Variants in ZNF76 observed in about 807,000 individuals in gnomAD.
The protein encoded by ZNF76 is zinc finger protein 523.
A neutral mutation model predicts 66.9 loss-of-function variants in ZNF76; 66 were observed. The ratio of observed to expected loss-of-function variants is 0.99; its 90% CI spans 0.81 to 1.21. ZNF76 has a LOEUF of 1.21. Among genes scored for constraint, ZNF76 ranks in the 50% most tolerant of loss-of-function variants. The probability of loss-of-function intolerance (pLI) is 0.00; values close to 1 mark genes in which losing one functional copy is unlikely to be tolerated. For synonymous variants in ZNF76, 275 were observed against 296.1 expected, an observed-to-expected ratio of 0.93 and a Z score of 0.73; for missense variants, 729 against 760.3, an observed-to-expected ratio of 0.96 and a Z score of 0.48.
In ZNF76 at chr6:35,295,548, T is replaced by G; in HGVS notation, c.*300T>G. On this transcript the variant is annotated 3_prime_UTR_variant, in exon 14 of 14. Transcript: ENST00000373953. ...CCACTCTCCTCCTAAAGAACACCCTTCTGGCCCTCAGTCTGTTCCCCTTCT... is the reference window on the plus strand; with the variant it reads ...CCACTCTCCTCCTAAAGAACACCCTGCTGGCCCTCAGTCTGTTCCCCTTCT... The G allele has an allele frequency of 2.5e-6, 1 of 404,238 alleles. No homozygotes were observed. Among genetic ancestry groups the G allele is most frequent in the Non-Finnish European group, 4.7e-6 (1 of 211,150 alleles). 25.0% of individuals were successfully genotyped at this position (404,238 alleles called of 1,614,324 possible). A position where few individuals can be genotyped will look rare whatever the true frequency, so the allele number is the denominator to read the frequency against.
At chr6:35,274,562 T>G (rs1408677863) in intron 1 of ZNF76, among the ~76,000 whole-genome samples, 2 of 152,132 alleles carry the variant, frequency 1.3e-5, no homozygotes, top group Non-Finnish European at 2.9e-5. Flanking sequence ...GACCTAAAGA[T>G]CCAAAGTATC....
Position 35,292,065 on chromosome 6 carries a change from A to C in ZNF76, c.931+328A>C, listed in dbSNP as rs1445391720. The stretch of plus-strand genomic sequence containing the variant: ...GGGTCAGGAATGATGGGGAAGAAGC[A>C]GAGTGAACTGTCACCTTCAACTCCT... On this transcript the variant is annotated intron_variant, in intron 9 of 13. Transcript: ENST00000373953. The surrounding 1 kb of genome is among the most constrained non-coding windows in gnomAD (Gnocchi z 4.7). The C allele has an allele frequency of 8.6e-6, 4 of 465,698 alleles. No homozygotes were observed. Among genetic ancestry groups the C allele is most frequent in the Non-Finnish European group, 1.6e-5 (4 of 252,574 alleles). The allele number at this position is 465,698 out of a possible 1,614,324, so 28.8% of individuals were successfully genotyped here.
In ZNF76 at chr6:35,292,476, C is replaced by G. The variant is rs1790542983; in HGVS notation, c.932-78C>G. ...CCCTCTGGCTCTCCCTTCACCAACCCTGTCCCTCACCCCTGTCCCCTTAGT... is the reference window on the plus strand; with the variant it reads ...CCCTCTGGCTCTCCCTTCACCAACCGTGTCCCTCACCCCTGTCCCCTTAGT... On this transcript the variant is annotated intron_variant, in intron 9 of 13. Transcript: ENST00000373953. This position sits in a 1 kb window ranked among gnomAD's most constrained non-coding sequence, Gnocchi z 4.7. The G allele has an allele frequency of 3.3e-6, 5 of 1,497,048 alleles. No homozygotes were observed. Among genetic ancestry groups the G allele is most frequent in the Non-Finnish European group, 3.7e-6 (4 of 1,085,636 alleles). The allele number at this position is 1,497,048 out of a possible 1,614,324, so 92.7% of individuals were successfully genotyped here. A position where few individuals can be genotyped will look rare whatever the true frequency, so the allele number is the denominator to read the frequency against.
intron 5 of ZNF76, 157 bp downstream of exon 5, chr6:35,288,002 A>G (rs1176688575): frequency 3.6e-6 from 3 of 833,950 alleles, no homozygotes; most frequent in Non-Finnish European, 5.9e-6. Flanking sequence ...CCTCCACCCC[A>G]GCTCCCCCAA....
intron 2 of ZNF76, among the ~76,000 whole-genome samples, chr6:35,285,121 G>T (rs900417516): frequency 1.5e-4 from 23 of 152,172 alleles, no homozygotes; most frequent in African/African-American, 5.1e-4. Flanking sequence ...AATTTCAAGA[G>T]CCTTATTAGA....
Position 35,292,298 on chromosome 6 carries a change from C to G in ZNF76, c.932-256C>G, listed in dbSNP as rs1279682951. Reference sequence around the variant, plus strand: ...TATAAGCCCCAGTGCCCCCTACCAGCCCCTTCACTAGCCCCAGCCTTGCCC... The same window carrying G: ...TATAAGCCCCAGTGCCCCCTACCAGGCCCTTCACTAGCCCCAGCCTTGCCC... On this transcript the variant is annotated intron_variant, in intron 9 of 13. Coordinates refer to ENST00000373953, the MANE Select transcript of ZNF76 (RefSeq NM_003427.5). This position sits in a 1 kb window ranked among gnomAD's most constrained non-coding sequence, Gnocchi z 4.7. The G allele has an allele frequency of 1.4e-5, 8 of 552,592 alleles. No homozygotes were observed. The highest frequency in any genetic ancestry group is 2.6e-5 in the Non-Finnish European group (8 of 305,540). The allele number at this position is 552,592 out of a possible 1,614,324, so 34.2% of individuals were successfully genotyped here.
rs772006422 is a variant in ZNF76 at position 35,281,185 on chromosome 6, A to C, written c.34A>C (p.Ser12Arg). 1 of 1,613,970 alleles carries C rather than the reference A, an allele frequency of 6.2e-7. No homozygotes were observed. Among genetic ancestry groups the C allele is most frequent in the Admixed American group, 1.7e-5 (1 of 60,018 alleles). The change falls in exon 2 of 14, where the codon AGT becomes CGT. Residue 12 changes from serine (S) to arginine (R), a missense_variant. Coordinates refer to ENST00000373953, the MANE Select transcript of ZNF76 (RefSeq NM_003427.5). ...ESLGLHTVTLSDGTTAYVQQA... is the reference protein window; with the variant it reads ...ESLGLHTVTLRDGTTAYVQQA... ...CTTGGGGCTGCACACGGTGACCCTT[A>C]GTGATGGGACAACAGCCTACGTCCA...
At chr6:35,280,545 G>C (rs1296059625) in intron 1 of ZNF76, among the ~76,000 whole-genome samples, 2 of 142,456 alleles carry the variant, frequency 1.4e-5, no homozygotes, top group African/African-American at 2.6e-5. Context: ...GAAGTTCTGG[G>C]TGGAAGGCGA....
intron 1 of ZNF76, among the ~76,000 whole-genome samples, chr6:35,262,144 A>G (rs1785345750): frequency 6.6e-6 from 1 of 152,132 alleles, no homozygotes; most frequent in Non-Finnish European, 1.5e-5. Flanking sequence ...ATCAAATAGT[A>G]ATAAACTGGG....
At chr6:35,268,409 C>G (rs1164518767) in intron 1 of ZNF76, among the ~76,000 whole-genome samples, 1 of 151,940 alleles carries the variant, frequency 6.6e-6, no homozygotes, top group Non-Finnish European at 1.5e-5. Context: ...ATTAGTCACC[C>G]ACAAAATTAG....
chr6:35,287,767 C>A lies in ZNF76; in HGVS notation c.354C>A (p.Gly118=). The A allele has an allele frequency of 1.2e-6, 2 of 1,614,140 alleles. No homozygotes were observed. Among genetic ancestry groups the A allele is most frequent in the South Asian group, 2.2e-5 (2 of 91,064 alleles). ...TCCTGGCCGTACAGACAGAGGTGGG[C>A]TTGGAGGACCTGGCAGCAGAGGATG... ...STILAVQTEV[G]LEDLAAEDDE... is the part of the protein sequence containing the mutation. The change falls in exon 5 of 14, where the codon GGC becomes GGA. Residue 118 remains glycine, a synonymous_variant. Transcript: ENST00000373953. The surrounding 1 kb of genome is among the most constrained non-coding windows in gnomAD (Gnocchi z 4.0).
At chr6:35,289,212 C>T (rs1790034030) in intron 5 of ZNF76, among the ~76,000 whole-genome samples, 1 of 152,124 alleles carries the variant, frequency 6.6e-6, no homozygotes, top group Non-Finnish European at 1.5e-5. Context: ...TCAGAGGTCA[C>T]TTCCATCCCT....
intron 1 of ZNF76, among the ~76,000 whole-genome samples, chr6:35,269,773 C>T (rs1377059958): frequency 6.6e-6 from 1 of 152,154 alleles, no homozygotes; most frequent in Non-Finnish European, 1.5e-5. Context: ...AAAGGTAGAC[C>T]CTGCTTAGGC....
intron 1 of ZNF76, among the ~76,000 whole-genome samples, chr6:35,267,000 C>T (rs181286550): frequency 5.8e-4 from 88 of 151,924 alleles, no homozygotes; most frequent in African/African-American, 2.0e-3. Context: ...GGGGTTTCAC[C>T]GTGTTAACCA....
At chr6:35,282,883 G>C (rs1788980991) in intron 2 of ZNF76, among the ~76,000 whole-genome samples, 1 of 152,184 alleles carries the variant, frequency 6.6e-6, no homozygotes, top group South Asian at 2.1e-4. Flanking sequence ...AGAGCTGTCT[G>C]TGACATGTGG....
chr6:35,290,247 C>T lies in ZNF76; in HGVS notation c.433-19C>T, dbSNP rs368332292. 92 of 1,613,858 alleles carry T rather than the reference C, an allele frequency of 5.7e-5. No homozygotes were observed. Among genetic ancestry groups the T allele is most frequent in the Non-Finnish European group, 7.4e-5 (87 of 1,179,914 alleles). On this transcript the variant is annotated intron_variant, in intron 5 of 13. Transcript: ENST00000373953. ...CACTGGGGAGAATACATATAGGGAT[C>T]TCAAGACTTTTCCCCCAGGTTCTTC...
At position 35,295,452 on chromosome 6, in the gene ZNF76, T is replaced by A. The variant is rs549915480; in HGVS notation, c.*204T>A. 1.1e-5 allele frequency: 7 copies of A among 609,162 alleles called. No homozygotes were observed. In the Admixed American group the frequency reaches 1.4e-4, roughly 12 times the overall value. 37.7% of individuals were successfully genotyped at this position (609,162 alleles called of 1,614,324 possible). ...GGCCAGGCAGCTGGAATCAGGGGAGTGCATCATCCTCGGGAGCTGACAACA... is the reference window on the plus strand; with the variant it reads ...GGCCAGGCAGCTGGAATCAGGGGAGAGCATCATCCTCGGGAGCTGACAACA... On this transcript the variant is annotated 3_prime_UTR_variant, in exon 14 of 14. Coordinates refer to ENST00000373953, the MANE Select transcript of ZNF76 (RefSeq NM_003427.5).
chr6:35,271,544 T>G (rs1787058160), intron 1 of ZNF76, among the ~76,000 whole-genome samples: 1 of 152,088 alleles, frequency 6.6e-6, no homozygotes. Context: ...ATGGCTCGTG[T>G]CTGTAGTCTC....
chr6:35,267,722 G>A (rs903375664), intron 1 of ZNF76, among the ~76,000 whole-genome samples: 1 of 152,190 alleles, frequency 6.6e-6, no homozygotes, highest in African/African-American at 2.4e-5. Flanking sequence ...CGAAACATGG[G>A]GCTGGAGTGT....
Sources: gnomAD v4.1 joint callset for allele counts (sites outside exome capture counted in the v4.1 genomes callset) on GRCh38, gnomAD v4.1.1 for gene constraint, Gnocchi (gnomAD v3.1) non-coding constraint, MANE v1.5 for transcripts, NCBI Gene and HGNC (gene_info 2026-07-23, HGNC 2026-07-21) for gene names.